EYS: variants seen among roughly 807,000 people sequenced by gnomAD.
EYS encodes the protein EGF-like photoreceptor maintenance factor, also known as protein eyes shut homolog.
In EYS, 250 loss-of-function variants were observed where a neutral mutation model predicts 282.1. The ratio of observed to expected loss-of-function variants is 0.89; its 90% CI spans 0.80 to 0.98. The LOEUF (loss-of-function observed/expected upper bound fraction) is 0.98, where lower values mean the gene tolerates loss of function less well. EYS is among the 50% of genes least tolerant of loss of function. The probability of loss-of-function intolerance (pLI) is 0.00; values close to 1 mark genes in which losing one functional copy is unlikely to be tolerated. For synonymous variants in EYS, 1,355 were observed against 1,282.9 expected (o/e 1.06, Z -1.20); for missense variants, 4,016 against 3,709.0 (o/e 1.08, Z -2.15).
At chr6:64,217,314 A>C (rs559418011) in intron 31 of EYS, among the ~76,000 whole-genome samples, 151 of 152,298 alleles carry the variant, frequency 9.9e-4, no homozygotes, top group Middle Eastern at 6.8e-3. Flanking sequence ...GGATCACCTG[A>C]GGTCAGGAGT....
intron 40 of EYS, 25 bp downstream of exon 40, chr6:63,777,981 T>C (rs1347438497): frequency 1.3e-6 from 2 of 1,549,914 alleles, no homozygotes; most frequent in African/African-American, 2.7e-5. Flanking sequence ...CCTGCTACTT[T>C]CATTCCTAAT....
chr6:65,152,061 AC>A (rs1764623376), intron 12 of EYS, among the ~76,000 whole-genome samples: 1 of 152,040 alleles, frequency 6.6e-6, no homozygotes, highest in Non-Finnish European at 1.5e-5. Context: ...ATAGCAAATT[AC>A]TTGCAAAAGG....
chr6:63,871,511 A>G (rs1022177565), intron 35 of EYS, among the ~76,000 whole-genome samples: 7 of 151,778 alleles, frequency 4.6e-5, no homozygotes, highest in Non-Finnish European at 7.4e-5. Context: ...AAATACAAAC[A>G]ATTAGCTGGG....
At chr6:64,731,124 T>G (rs2149952309) in intron 22 of EYS, 1 of 152,094 alleles carries the variant, frequency 6.6e-6, no homozygotes, top group Non-Finnish European at 1.5e-5. Context: ...ATACAAAAAT[T>G]AACTCAAGAT....
At chr6:65,533,598 T>C (rs1767862142) in intron 2 of EYS, among the ~76,000 whole-genome samples, 1 of 152,032 alleles carries the variant, frequency 6.6e-6, no homozygotes, top group East Asian at 1.9e-4. Flanking sequence ...GAGATGTGAA[T>C]TGGGGGAGAT....
intron 14 of EYS, among the ~76,000 whole-genome samples, chr6:64,952,643 A>C (rs1185415494): frequency 1.3e-5 from 2 of 152,066 alleles, no homozygotes; most frequent in Non-Finnish European, 2.9e-5. Context: ...TGCAAATGTC[A>C]AAACAAGTGC....
rs1340361644 is a variant in EYS at position 64,772,641 on chromosome 6, C to T, written c.3443+40737G>A. On this transcript the variant is annotated intron_variant, in intron 22 of 42. Transcript: ENST00000503581. ...TATATTTTTGTATCCATTAACTATC[C>T]CTACGTACTCTGCCTCCTCCACTAC... is the stretch of plus-strand genomic sequence containing the variant. 3.3e-5 allele frequency among the ~76,000 whole-genome samples: 5 copies of T among 151,648 alleles called. 1 individual carries two copies. The highest frequency in any genetic ancestry group is 5.9e-5 in the Non-Finnish European group (4 of 67,752).
chr6:64,981,718 A>G (rs1770673447), intron 14 of EYS, among the ~76,000 whole-genome samples: 1 of 151,336 alleles, frequency 6.6e-6, no homozygotes, highest in South Asian at 2.1e-4. Context: ...TTACTGCCTC[A>G]CTAGTAGGGG....
chr6:64,668,380 C>T (rs866092666), intron 22 of EYS, among the ~76,000 whole-genome samples: 18 of 152,000 alleles, frequency 1.2e-4, no homozygotes, highest in Non-Finnish European at 2.6e-4. Flanking sequence ...AGGTCCCCTG[C>T]GGTGTAGACA....
At chr6:64,114,612 T>TGTCA (rs1773314863) in intron 31 of EYS, among the ~76,000 whole-genome samples, 1 of 152,246 alleles carries the variant, frequency 6.6e-6, no homozygotes, top group Non-Finnish European at 1.5e-5. Flanking sequence ...GGGCTATCAC[T>TGTCA]GTCAGCCATG....
intron 13 of EYS, among the ~76,000 whole-genome samples, chr6:65,032,858 T>C (rs192879199): frequency 3.3e-5 from 5 of 152,098 alleles, no homozygotes; most frequent in East Asian, 1.9e-4. Flanking sequence ...CAGAAGAAGA[T>C]GGGAAGATAA....
At position 65,113,921 on chromosome 6, in the gene EYS, C is replaced by T. The variant is rs986277622; in HGVS notation, c.2024-56194G>A. On this transcript the variant is annotated intron_variant, in intron 12 of 42. Transcript: ENST00000503581. ...CTCTTTGTAGGTGTGATTACAGAGG[C>T]ACTGTCAAATGGCAGCTCTGCAAAG... Among the ~76,000 whole-genome samples, 84 of 151,960 alleles carry T rather than the reference C, an allele frequency of 5.5e-4. 1 individual carries two copies. The highest frequency in any genetic ancestry group is 3.9e-4 in the Admixed American group (6 of 15,256).
At chr6:64,226,919 A>T (rs1766268436) in intron 31 of EYS, among the ~76,000 whole-genome samples, 3 of 152,078 alleles carry the variant, frequency 2.0e-5, no homozygotes, top group South Asian at 2.1e-4. Flanking sequence ...CTATACTTTA[A>T]TTGACAACTC....
At chr6:65,341,235 C>T (rs76888017) in intron 10 of EYS, among the ~76,000 whole-genome samples, 1,841 of 151,218 alleles carry the variant, frequency 0.012, 32 homozygotes, top group African/African-American at 0.043. Context: ...AAAAAATCTT[C>T]TAAACAGTCT....
intron 33 of EYS, among the ~76,000 whole-genome samples, chr6:64,023,625 G>A (rs1562157200): frequency 6.6e-6 from 1 of 152,234 alleles, no homozygotes; most frequent in Non-Finnish European, 1.5e-5. Flanking sequence ...GCAACAGTGT[G>A]CGCCCTCACT....
chr6:64,277,567 G>T (rs1299053612), intron 30 of EYS, among the ~76,000 whole-genome samples: 1 of 152,014 alleles, frequency 6.6e-6, no homozygotes, highest in Non-Finnish European at 1.5e-5. Context: ...CTAGTCATTG[G>T]GCAGATAAGA....
At chr6:65,408,296 G>T (rs1206563486) in intron 5 of EYS, among the ~76,000 whole-genome samples, 2 of 151,948 alleles carry the variant, frequency 1.3e-5, no homozygotes, top group South Asian at 2.1e-4. Context: ...GGTAATACTG[G>T]CCTGATAGCA....
intron 30 of EYS, among the ~76,000 whole-genome samples, chr6:64,294,734 T>A (rs1368643848): frequency 1.3e-5 from 2 of 152,236 alleles, no homozygotes; most frequent in Non-Finnish European, 2.9e-5. Flanking sequence ...GATGGCTTAG[T>A]ATGATACAAA....
chr6:64,491,704 A>T (rs1023687166), intron 26 of EYS, among the ~76,000 whole-genome samples: 1 of 151,158 alleles, frequency 6.6e-6, no homozygotes, highest in East Asian at 1.9e-4. Context: ...ATATTGCCTG[A>T]GATAACACAT....
Sources: gnomAD v4.1 joint callset for allele counts (sites outside exome capture counted in the v4.1 genomes callset) on GRCh38, gnomAD v4.1.1 for gene constraint, MANE v1.5 for transcripts, NCBI Gene and HGNC (gene_info 2026-07-23, HGNC 2026-07-21) for gene names.